The following GALNTL6 variants were observed in gnomAD, a reference collection of about 807,000 sequenced individuals.
GALNTL6 encodes polypeptide N-acetylgalactosaminyltransferase-like 6.
In GALNTL6, 46 loss-of-function variants were observed where a neutral mutation model predicts 73.7. That is an observed-to-expected ratio of 0.62 (90% CI 0.49 to 0.80). The LOEUF (loss-of-function observed/expected upper bound fraction) is 0.80, where lower values mean the gene tolerates loss of function less well. Ranked by LOEUF, GALNTL6 falls within the 30% of genes least tolerant of loss-of-function variation. The probability of loss-of-function intolerance (pLI) is 0.00; values close to 1 mark genes in which losing one functional copy is unlikely to be tolerated. For synonymous variants in GALNTL6, 259 were observed against 263.7 expected (o/e 0.98, Z 0.17); for missense variants, 604 against 755.0 (o/e 0.80, Z 2.34).
chr4:172,670,783 G>A (rs1731931457), intron 5 of GALNTL6, among the ~76,000 whole-genome samples: 1 of 152,004 alleles, frequency 6.6e-6, no homozygotes, highest in Non-Finnish European at 1.5e-5. Flanking sequence ...TATAGTTTTG[G>A]GTTTTACTTT....
At chr4:172,303,493 T>C (rs1345000412) in intron 3 of GALNTL6, among the ~76,000 whole-genome samples, 1 of 152,178 alleles carries the variant, frequency 6.6e-6, no homozygotes, top group Non-Finnish European at 1.5e-5. Flanking sequence ...TATGCACTCA[T>C]CTCTCAGTAT....
Position 171,931,862 on chromosome 4 carries a change from T to A in GALNTL6, c.138+117144T>A, listed in dbSNP as rs137864488. Among the ~76,000 whole-genome samples, 542 of 152,090 alleles carry A rather than the reference T, an allele frequency of 3.6e-3. 1 individual carries two copies. Among genetic ancestry groups the A allele is most frequent in the African/African-American group, 0.012 (514 of 41,376 alleles). ...AAACACACAGTTCATAAAACTAAAA[T>A]CCTTAATTCACATTTGTATGTTGTG... On this transcript the variant is annotated intron_variant, in intron 2 of 12. Transcript: ENST00000506823.
chr4:172,929,100 T>C (rs1748201212), intron 8 of GALNTL6, among the ~76,000 whole-genome samples: 1 of 152,240 alleles, frequency 6.6e-6, no homozygotes, highest in Non-Finnish European at 1.5e-5. Flanking sequence ...GACTGTCCAC[T>C]GCCCTTACCA....
chr4:172,623,161 G>A (rs1739031179), intron 5 of GALNTL6, among the ~76,000 whole-genome samples: 1 of 151,998 alleles, frequency 6.6e-6, no homozygotes, highest in Non-Finnish European at 1.5e-5. Flanking sequence ...ATCAATGCAC[G>A]AAACTGAAAA....
intron 5 of GALNTL6, among the ~76,000 whole-genome samples, chr4:172,730,421 A>G (rs1368011462): frequency 6.6e-6 from 1 of 152,122 alleles, no homozygotes; most frequent in Non-Finnish European, 1.5e-5. Flanking sequence ...ACACATTTTG[A>G]TAAGGGTTTT....
At chr4:172,723,906 T>G (rs1165929366) in intron 5 of GALNTL6, among the ~76,000 whole-genome samples, 1 of 151,918 alleles carries the variant, frequency 6.6e-6, no homozygotes, top group East Asian at 1.9e-4. Flanking sequence ...TCTGTACAGG[T>G]TCACTGATAT....
chr4:172,907,420 T>C (rs555458716), intron 8 of GALNTL6, among the ~76,000 whole-genome samples: 5 of 152,278 alleles, frequency 3.3e-5, no homozygotes, highest in Admixed American at 3.3e-4. Flanking sequence ...TCAAATTAAG[T>C]TGAGCTTTCA....
At chr4:171,910,818 G>T (rs1560837488) in intron 2 of GALNTL6, among the ~76,000 whole-genome samples, 1 of 151,960 alleles carries the variant, frequency 6.6e-6, no homozygotes, top group Admixed American at 6.6e-5. Context: ...TTAATCAACA[G>T]GTTGGTACTC....
rs182206515 is a variant in GALNTL6 at position 172,871,066 on chromosome 4, T to A, written c.924-11724T>A. Among the ~76,000 whole-genome samples, 945 of 152,074 alleles carry A rather than the reference T, an allele frequency of 6.2e-3. 9 individuals are homozygous for A. The highest frequency in any genetic ancestry group is 0.021 in the African/African-American group (853 of 41,464). On this transcript the variant is annotated intron_variant, in intron 7 of 12. Coordinates refer to ENST00000506823, the MANE Select transcript of GALNTL6 (RefSeq NM_001034845.3). ...TACAACTACAAATGCCAGAAAAAAA[T>A]TTTTTTAAGTAAGGGGGTAGCAGGG...
At chr4:172,903,543 TTAA>T (rs1317542975) in intron 8 of GALNTL6, among the ~76,000 whole-genome samples, 2 of 152,174 alleles carry the variant, frequency 1.3e-5, no homozygotes, top group Non-Finnish European at 2.9e-5. Context: ...ATAAACTACA[TTAA>T]TAATTTTCTC....
intron 8 of GALNTL6, among the ~76,000 whole-genome samples, chr4:172,887,083 A>G (rs972131501): frequency 1.3e-5 from 2 of 152,106 alleles, no homozygotes; most frequent in African/African-American, 2.4e-5. Flanking sequence ...AACATGTGGT[A>G]TTTGATTTTC....
At chr4:172,137,083 T>G (rs1733656905) in intron 2 of GALNTL6, among the ~76,000 whole-genome samples, 1 of 152,164 alleles carries the variant, frequency 6.6e-6, no homozygotes, top group Admixed American at 6.5e-5. Context: ...AGATTTCTCA[T>G]TCATAGAGAG....
rs2110789687 is a variant in GALNTL6 at position 171,814,418 on chromosome 4, A to G, written c.-163A>G. The G allele has an allele frequency of 1.5e-6, 1 of 666,876 alleles. No individual in the cohort carries two copies. The highest frequency in any genetic ancestry group is 1.9e-5 in the South Asian group (1 of 52,108). The allele number at this position is 666,876 out of a possible 1,614,324, so 41.3% of individuals were successfully genotyped here. ...CTGTGCGTTTGTTCTGCAGATGGCC[A>G]ACTCCCTCTGAATCCTGCAGATTGG... is the stretch of plus-strand genomic sequence containing the variant. On this transcript the variant is annotated 5_prime_UTR_variant, in exon 2 of 13. Coordinates refer to ENST00000506823, the MANE Select transcript of GALNTL6 (RefSeq NM_001034845.3).
intron 5 of GALNTL6, among the ~76,000 whole-genome samples, chr4:172,546,203 A>G (rs1735742797): frequency 6.6e-6 from 1 of 152,118 alleles, no homozygotes. Context: ...GAAATTTTTA[A>G]TGTGATAAAA....
chr4:172,029,033 T>C (rs1741682208), intron 2 of GALNTL6, among the ~76,000 whole-genome samples: 1 of 152,004 alleles, frequency 6.6e-6, no homozygotes, highest in Non-Finnish European at 1.5e-5. Flanking sequence ...ACAGTGATAT[T>C]TTAAACTAGA....
At chr4:172,094,295 C>T (rs1208051080) in intron 2 of GALNTL6, among the ~76,000 whole-genome samples, 3 of 151,986 alleles carry the variant, frequency 2.0e-5, no homozygotes, top group Non-Finnish European at 2.9e-5. Flanking sequence ...TTAATTTACA[C>T]GACTTTAAGA....
intron 5 of GALNTL6, among the ~76,000 whole-genome samples, chr4:172,444,059 A>G (rs953046511): frequency 1.3e-5 from 2 of 152,190 alleles, no homozygotes; most frequent in African/African-American, 4.8e-5. Flanking sequence ...GTAAGAGACA[A>G]TCAGTGAGTT....
chr4:172,150,481 A>G (rs1201200385), intron 2 of GALNTL6, among the ~76,000 whole-genome samples: 1 of 152,228 alleles, frequency 6.6e-6, no homozygotes, highest in Non-Finnish European at 1.5e-5. Flanking sequence ...GGGCTACTTT[A>G]GATTTGGGGC....
intron 2 of GALNTL6, among the ~76,000 whole-genome samples, chr4:171,832,894 C>T (rs1735016045): frequency 6.6e-6 from 1 of 151,776 alleles, no homozygotes; most frequent in South Asian, 2.1e-4. Flanking sequence ...CTTCCAAGTC[C>T]TTCCATCATT....
Sources: gnomAD v4.1 joint callset for allele counts (sites outside exome capture counted in the v4.1 genomes callset) on GRCh38, gnomAD v4.1.1 for gene constraint, MANE v1.5 for transcripts, NCBI Gene and HGNC (gene_info 2026-07-23, HGNC 2026-07-21) for gene names.